The following RUSF1 variants were observed in gnomAD, a reference collection of about 807,000 sequenced individuals.
The protein encoded by RUSF1 is RUS family member 1, also known as RUS1 family protein C16orf58.
A neutral mutation model predicts 63.0 loss-of-function variants in RUSF1; 58 were observed. The ratio of observed to expected loss-of-function variants is 0.92; its 90% confidence interval spans 0.75 to 1.15. The LOEUF (loss-of-function observed/expected upper bound fraction) is 1.15, where lower values mean the gene tolerates loss of function less well. Among genes scored for constraint, RUSF1 ranks in the 50% most tolerant of loss-of-function variants. RUSF1 has a pLI of 0.00. For missense variants in RUSF1, 652 were observed against 611.0 expected (o/e 1.07, Z -0.71); for synonymous variants, 274 against 255.8 (o/e 1.07, Z -0.68).
intron 6 of RUSF1, 55 bp from the exon 7 acceptor site, chr16:31,493,991 A>T: frequency 6.4e-7 from 1 of 1,556,690 alleles, no homozygotes; most frequent in Non-Finnish European, 8.8e-7. Context: ...GGCCAGACTG[A>T]GTGCCCGAGT....
rs767530944 is a variant in RUSF1, at chr16:31,493,785, A to G, written c.776T>C (p.Phe259Ser). Residue 259 changes from phenylalanine (F) to serine (S), a missense_variant and splice_region_variant, in exon 8 of 13, where the codon TTC becomes TCC. Physicochemically the swap from Phe to Ser is radical, Grantham distance 155. Coordinates refer to ENST00000327237, the MANE Select transcript of RUSF1 (RefSeq NM_022744.4). ...MLPLVSGCPG[F>S]SLGCFFFLTA... ...GAGGAAGAAGAAACATCCAAGGCTGAAGCTGGGGTGAGAGAGTGAGGTAGC... is the reference window on the plus strand; with the variant it reads ...GAGGAAGAAGAAACATCCAAGGCTGGAGCTGGGGTGAGAGAGTGAGGTAGC... The G allele has an allele frequency of 1.2e-6, 2 of 1,614,186 alleles. No homozygotes were observed. The highest frequency in any genetic ancestry group is 2.2e-5 in the South Asian group (2 of 91,084).
chr16:31,505,395 G>A (rs576031883), intron 2 of RUSF1, among the ~76,000 whole-genome samples: 1 of 152,158 alleles, frequency 6.6e-6, no homozygotes, highest in African/African-American at 2.4e-5. Flanking sequence ...ACCAGTGCTG[G>A]TGCTGGTCCT....
At chr16:31,491,090 G>A (rs1231130857) in intron 12 of RUSF1, among the ~76,000 whole-genome samples, 158 bp from the exon 13 acceptor site, 1 of 152,180 alleles carries the variant, frequency 6.6e-6, no homozygotes, top group African/African-American at 2.4e-5. Flanking sequence ...GCTGCAGCAA[G>A]AATTCGTTGA....
At chr16:31,499,165 G>C (rs2082619135) in intron 5 of RUSF1, 137 bp downstream of exon 5, 6 of 789,788 alleles carry the variant, frequency 7.6e-6, no homozygotes, top group Non-Finnish European at 1.0e-5. Flanking sequence ...GGTCAGAAAG[G>C]ATGGTTGGGT....
At chr16:31,496,650 C>T (rs2082604560) in intron 6 of RUSF1, among the ~76,000 whole-genome samples, 199 bp downstream of exon 6, 1 of 152,224 alleles carries the variant, frequency 6.6e-6, no homozygotes, top group Non-Finnish European at 1.5e-5. Context: ...CTCAGCCACA[C>T]AGGTGGCGGG....
At chr16:31,499,670 C>A in intron 3 of RUSF1, 145 bp from the exon 4 acceptor site, 1 of 718,504 alleles carries the variant, frequency 1.4e-6, no homozygotes, top group South Asian at 2.2e-5. Flanking sequence ...CACAGCCGGT[C>A]ACTGCTACCT....
At chr16:31,499,131 C>T in intron 5 of RUSF1, 171 bp downstream of exon 5, 2 of 660,242 alleles carry the variant, frequency 3.0e-6, no homozygotes, top group South Asian at 3.7e-5. Context: ...TTCTGGGGCA[C>T]TAGATGCTGT....
chr16:31,508,198 T>C lies in RUSF1; in HGVS notation c.176A>G (p.Glu59Gly), dbSNP rs2082672474. The change falls in exon 1 of 13, where the codon GAA becomes GGA. Residue 59 changes from glutamate (E) to glycine (G), a missense_variant. Physicochemically the swap from Glu to Gly is moderately conservative, Grantham distance 98. Coordinates refer to ENST00000327237, the MANE Select transcript of RUSF1 (RefSeq NM_022744.4). ...TGAGGGGGCCCCGGAAGCCCCCACT[T>C]CGCCCGCATCTCGTCCTTCAGGTTT... Reference protein sequence around the residue: ...TVKPEGRDAGEVGASGAPSPP... With the variant: ...TVKPEGRDAGGVGASGAPSPP... 2 of 1,566,040 alleles carry C rather than the reference T, an allele frequency of 1.3e-6. No individual in the cohort carries two copies. The highest frequency in any genetic ancestry group is 4.8e-5 in the East Asian group (2 of 41,702).
intron 5 of RUSF1, 69 bp from the exon 6 acceptor site, chr16:31,497,019 C>T (rs922333240): frequency 3.0e-6 from 4 of 1,324,456 alleles, no homozygotes; most frequent in Non-Finnish European, 4.2e-6. Flanking sequence ...CTCAGACCAG[C>T]TGGAGAAAAC....
rs778664674 is a variant in RUSF1, at chr16:31,492,067, C to A, written c.1251G>T (p.Trp417Cys). ...CTTCGTGTGTCTCCTTGACGACGAC[C>A]CAGCTCTCTTTCTTAGGACCTGGGT... ...RVRAGPKKESWVVVKETHEVL... is the reference protein window; with the variant it reads ...RVRAGPKKESCVVVKETHEVL... Residue 417 changes from tryptophan to cysteine, a missense_variant, in exon 12 of 13, where the codon TGG (tryptophan) becomes TGT (cysteine). Trp to Cys is a radical substitution (Grantham distance 215). Coordinates refer to ENST00000327237, the MANE Select transcript of RUSF1 (RefSeq NM_022744.4). The A allele has an allele frequency of 3.7e-6, 6 of 1,614,188 alleles. No homozygotes were observed. In the South Asian group the frequency reaches 6.6e-5, roughly 18 times the overall value.
In RUSF1 at chr16:31,493,479, C is replaced by T. The variant is rs780209275; in HGVS notation, c.1004G>A (p.Arg335His). 24 of 1,607,144 alleles carry T rather than the reference C, an allele frequency of 1.5e-5. No individual in the cohort carries two copies. The highest frequency in any genetic ancestry group is 6.7e-5 in the African/African-American group (5 of 74,750). ...PSLSLGVPLH[R>H]LVSSVFELQQ... ...CTAGGCCACTCACCTGGAGACCAAG[C>T]GGTGTAAGGGGACCCCCAGGGATAG... Residue 335 changes from arginine to histidine, a missense_variant, in exon 9 of 13, where the codon CGC (arginine) becomes CAC (histidine). Transcript: ENST00000327237.
chr16:31,490,487 C>G lies in RUSF1; in HGVS notation c.*348G>C. 1 of 1,613,968 alleles carries G rather than the reference C, an allele frequency of 6.2e-7. No homozygotes were observed. The highest frequency in any genetic ancestry group is 8.5e-7 in the Non-Finnish European group (1 of 1,179,980). On this transcript the variant is annotated 3_prime_UTR_variant, in exon 13 of 13. Transcript: ENST00000327237. ...GGGCCCGTGTGGTCAACCTCAATGCCCTGCTCATGATGGCAGTGGCCGTGT... is the reference window on the plus strand; with the variant it reads ...GGGCCCGTGTGGTCAACCTCAATGCGCTGCTCATGATGGCAGTGGCCGTGT...
At chr16:31,506,946 A>C (rs1470329945) in intron 2 of RUSF1, among the ~76,000 whole-genome samples, 1 of 152,182 alleles carries the variant, frequency 6.6e-6, no homozygotes, top group African/African-American at 2.4e-5. Flanking sequence ...TTTCTCAAAA[A>C]AATCCAGAGA....
At chr16:31,504,889 C>T (rs4889664) in intron 2 of RUSF1, among the ~76,000 whole-genome samples, 50,655 of 152,108 alleles carry the variant, frequency 0.33, 10,299 homozygotes, top group Middle Eastern at 0.53. Context: ...TAGGGCGGTG[C>T]AGGATGTGTC....
chr16:31,501,658 C>T (rs529758457), intron 2 of RUSF1, among the ~76,000 whole-genome samples: 1 of 152,118 alleles, frequency 6.6e-6, no homozygotes, highest in East Asian at 1.9e-4. Context: ...GACAGGCCTC[C>T]TTAGGCTGGG....
rs1218708953 is a variant in RUSF1 at position 31,490,227 on chromosome 16, A to G, written c.*608T>C. The G allele has an allele frequency of 1.9e-6, 3 of 1,614,156 alleles. No individual in the cohort carries two copies. Among genetic ancestry groups the G allele is most frequent in the South Asian group, 1.1e-5 (1 of 91,080 alleles). ...GTGCCCAGAGAGTGCCATGGAGATGAATGGTAGGGCACCATGCTGGGAGGT... is the reference window on the plus strand; with the variant it reads ...GTGCCCAGAGAGTGCCATGGAGATGGATGGTAGGGCACCATGCTGGGAGGT... On this transcript the variant is annotated 3_prime_UTR_variant, in exon 13 of 13. Transcript: ENST00000327237.
intron 11 of RUSF1, 41 bp downstream of exon 11, chr16:31,492,156 C>G: frequency 6.2e-7 from 1 of 1,611,722 alleles, no homozygotes; most frequent in Non-Finnish European, 8.5e-7. Context: ...TCTCTCCTCC[C>G]CACCCTGAGG....
intron 2 of RUSF1, among the ~76,000 whole-genome samples, chr16:31,506,385 G>A (rs1041706705): frequency 1.3e-5 from 2 of 152,218 alleles, no homozygotes; most frequent in Non-Finnish European, 2.9e-5. Flanking sequence ...ACTTCTGGTT[G>A]CAAGCATTTT....
chr16:31,502,620 T>C (rs889596006), intron 2 of RUSF1, among the ~76,000 whole-genome samples: 2 of 152,372 alleles, frequency 1.3e-5, no homozygotes, highest in African/African-American at 2.4e-5. Context: ...AAGGAAAGCA[T>C]GGGTCCAAGC....
Sources: gnomAD v4.1 joint callset for allele counts (sites outside exome capture counted in the v4.1 genomes callset) on GRCh38, gnomAD v4.1.1 for gene constraint, MANE v1.5 for transcripts, NCBI Gene and HGNC (gene_info 2026-07-23, HGNC 2026-07-21) for gene names.